ACTR3C: variants seen among roughly 807,000 people sequenced by gnomAD.
The protein encoded by ACTR3C is actin-related protein 3C.
In ACTR3C, 18 loss-of-function variants were observed where a neutral mutation model predicts 26.3. The ratio of observed to expected loss-of-function variants is 0.68; its 90% CI spans 0.47 to 1.01. ACTR3C has a LOEUF of 1.01. Ranked by LOEUF, ACTR3C falls within the 50% of genes least tolerant of loss-of-function variation. ACTR3C has a pLI of 0.00. For synonymous variants in ACTR3C, 55 were observed against 94.5 expected (o/e 0.58, Z 2.42); for missense variants, 184 against 250.7 (o/e 0.73, Z 1.80).
At chr7:150,035,844 C>A in the ACTR3C span, among the ~76,000 whole-genome samples, 1 of 133,070 alleles carries the variant, frequency 7.5e-6, no homozygotes, top group Non-Finnish European at 1.7e-5. Flanking sequence ...GGTTGCCTCT[C>A]CCCCCCTGCG....
At chr7:150,288,932 G>A (rs2129612721) in intron 4 of ACTR3C, among the ~76,000 whole-genome samples, 1 of 151,868 alleles carries the variant, frequency 6.6e-6, no homozygotes, top group South Asian at 2.1e-4. Flanking sequence ...AAGGGAGGAA[G>A]GCAGTGAGGA....
the ACTR3C span, among the ~76,000 whole-genome samples, chr7:149,985,115 C>T: frequency 1.3e-5 from 2 of 151,806 alleles, no homozygotes; most frequent in Non-Finnish European, 2.9e-5. Flanking sequence ...CAGTCATATT[C>T]AGATGGGATT....
chr7:150,122,214 C>A, the ACTR3C span, among the ~76,000 whole-genome samples: 7 of 151,932 alleles, frequency 4.6e-5, no homozygotes, highest in Non-Finnish European at 7.4e-5. Flanking sequence ...GCAACAAAAG[C>A]CAAAATTGAC....
chr7:150,235,362 A>G, the ACTR3C span, among the ~76,000 whole-genome samples: 3 of 152,120 alleles, frequency 2.0e-5, no homozygotes, highest in East Asian at 3.8e-4. Flanking sequence ...ATCGCTGCCC[A>G]TTCCCAGACT....
At chr7:150,069,317 A>G in the ACTR3C span, among the ~76,000 whole-genome samples, 3 of 152,140 alleles carry the variant, frequency 2.0e-5, no homozygotes, top group African/African-American at 7.3e-5. Flanking sequence ...CCACGTTAAG[A>G]AACCTTGCTT....
chr7:149,964,818 C>A, the ACTR3C span, among the ~76,000 whole-genome samples: 2,088 of 152,170 alleles, frequency 0.014, 49 homozygotes, highest in African/African-American at 0.048. Flanking sequence ...TCACTGGTTT[C>A]TGTCTCAATA....
At chr7:150,182,488 T>C in the ACTR3C span, among the ~76,000 whole-genome samples, 1 of 150,840 alleles carries the variant, frequency 6.6e-6, no homozygotes, top group East Asian at 1.9e-4. Flanking sequence ...ACCTGTCTGT[T>C]GCCCGTAAAA....
chr7:150,228,899 G>T, the ACTR3C span, among the ~76,000 whole-genome samples: 2 of 138,064 alleles, frequency 1.4e-5, no homozygotes, highest in African/African-American at 3.2e-5. Context: ...TATATATATA[G>T]AGAGAGTGTG....
the ACTR3C span, among the ~76,000 whole-genome samples, chr7:150,037,127 T>A: frequency 2.3e-5 from 2 of 88,576 alleles, no homozygotes; most frequent in African/African-American, 7.9e-5. Flanking sequence ...AGGGACTGGC[T>A]CTCAGTCCCT....
the ACTR3C span, among the ~76,000 whole-genome samples, chr7:149,995,623 A>T: frequency 6.6e-6 from 1 of 152,276 alleles, no homozygotes; most frequent in South Asian, 2.1e-4. Flanking sequence ...CACAGGATGA[A>T]CAACTGATCT....
chr7:150,010,693 CAA>C, the ACTR3C span, among the ~76,000 whole-genome samples: 3,218 of 117,986 alleles, frequency 0.027, 53 homozygotes, highest in East Asian at 0.088. Context: ...GACTCCATCT[CAA>C]AAAAAAAAAA....
At chr7:150,256,506 C>G (rs1833231478) in intron 6 of ACTR3C, among the ~76,000 whole-genome samples, 1 of 152,214 alleles carries the variant, frequency 6.6e-6, no homozygotes, top group Admixed American at 6.5e-5. Context: ...AACACAGGAA[C>G]AGAAAACCAA....
the ACTR3C span, among the ~76,000 whole-genome samples, chr7:150,037,546 C>CA: frequency 7.3e-5 from 4 of 55,014 alleles, no homozygotes; most frequent in African/African-American, 2.7e-4. Flanking sequence ...GGGTGCCTCC[C>CA]CCTCGTGCGA....
chr7:150,174,598 G>T, the ACTR3C span, among the ~76,000 whole-genome samples: 1 of 133,908 alleles, frequency 7.5e-6, no homozygotes, highest in South Asian at 2.4e-4. Context: ...ACAACTTTAA[G>T]AACAAGTCTG....
At chr7:149,908,985 T>C in the ACTR3C span, among the ~76,000 whole-genome samples, 635 of 152,004 alleles carry the variant, frequency 4.2e-3, 4 homozygotes, top group Middle Eastern at 0.014. Flanking sequence ...TTCCAACATG[T>C]TGGTCAGGCT....
the ACTR3C span, among the ~76,000 whole-genome samples, chr7:149,980,724 A>G: frequency 5.1e-4 from 78 of 152,250 alleles, no homozygotes; most frequent in African/African-American, 1.9e-3. Flanking sequence ...CAAAGTGTGT[A>G]TGTCTTACCT....
the ACTR3C span, among the ~76,000 whole-genome samples, chr7:150,161,598 T>C: frequency 6.6e-6 from 1 of 152,158 alleles, no homozygotes; most frequent in South Asian, 2.1e-4. Context: ...CACATTTTCA[T>C]AATCCAGTCT....
the ACTR3C span, among the ~76,000 whole-genome samples, chr7:149,911,977 T>C: frequency 6.8e-6 from 1 of 148,074 alleles, no homozygotes; most frequent in African/African-American, 2.5e-5. Flanking sequence ...ACCACTGCCC[T>C]GTAGCCCGGG....
the ACTR3C span, among the ~76,000 whole-genome samples, chr7:149,980,783 AG>A: frequency 6.6e-6 from 1 of 152,252 alleles, no homozygotes; most frequent in African/African-American, 2.4e-5. Flanking sequence ...GAGTGTGTAA[AG>A]ACCTTGTGAC....
Sources: allele counts gnomAD v4.1 joint callset (sites outside exome capture counted in the v4.1 genomes callset), GRCh38; gene constraint gnomAD v4.1.1; transcripts MANE v1.5; gene names NCBI Gene and HGNC (gene_info 2026-07-23, HGNC 2026-07-21).